LRRC1: variants seen among roughly 807,000 people sequenced by gnomAD.
The protein encoded by LRRC1 is leucine-rich repeat-containing protein 1.
Under a neutral mutation model 69.9 loss-of-function variants are expected in LRRC1, and 28 were observed. The ratio of observed to expected loss-of-function variants is 0.40; its 90% CI spans 0.30 to 0.55. The LOEUF is 0.55. Among genes scored for constraint, LRRC1 ranks in the 20% least tolerant of loss-of-function variants. The probability of loss-of-function intolerance (pLI) is 0.47; values close to 1 mark genes in which losing one functional copy is unlikely to be tolerated. For synonymous variants in LRRC1, 236 were observed against 240.2 expected (o/e 0.98, Z 0.16); for missense variants, 498 against 609.0 (o/e 0.82, Z 1.92).
Position 53,920,746 on chromosome 6 carries a change from A to G in LRRC1, c.1401A>G (p.Glu467=), listed in dbSNP as rs371207727. Residue 467 remains glutamate, a synonymous_variant, in exon 13 of 14, where the codon GAA becomes GAG. Coordinates refer to ENST00000370888, the MANE Select transcript of LRRC1 (RefSeq NM_018214.5). ...AIRFVEDEKD[E]EDNETRTLLR... Reference sequence around the variant, plus strand: ...GATTTGTGGAGGATGAGAAAGATGAAGAAGACAATGAGACGGTATGGAAAT... The same window carrying G: ...GATTTGTGGAGGATGAGAAAGATGAGGAAGACAATGAGACGGTATGGAAAT... 3.7e-6 allele frequency: 6 copies of G among 1,614,206 alleles called. No homozygotes were observed. In the African/African-American group the frequency reaches 8.0e-5, roughly 22 times the overall value.
intron 4 of LRRC1, among the ~76,000 whole-genome samples, chr6:53,894,359 T>C (rs2127434960): frequency 6.6e-6 from 1 of 152,354 alleles, no homozygotes; most frequent in Non-Finnish European, 1.5e-5. Context: ...CTCTGGTCTA[T>C]GTTTCAGGCA....
chr6:53,897,223 T>C, intron 6 of LRRC1, 62 bp from the exon 7 acceptor site: 2 of 1,126,462 alleles, frequency 1.8e-6, no homozygotes, highest in Non-Finnish European at 2.6e-6. Context: ...GTTTCTTTCT[T>C]TCTTCAGGGA....
intron 11 of LRRC1, chr6:53,919,229 C>CTCTTTTTTTTTTTTT (rs1467923075): frequency 1.4e-5 from 1 of 72,272 alleles, no homozygotes; most frequent in Non-Finnish European, 2.6e-5. Context: ...TTTTCTCTCT[C>CTCTTTTTTTTTTTTT]TTTTTTTTTT....
chr6:53,892,696 A>G (rs1334059255), intron 4 of LRRC1, among the ~76,000 whole-genome samples: 3 of 152,252 alleles, frequency 2.0e-5, no homozygotes, highest in African/African-American at 7.2e-5. Flanking sequence ...CTCTGTTCCA[A>G]TTCTGCATTT....
At chr6:53,854,696 A>C (rs1766253907) in intron 2 of LRRC1, among the ~76,000 whole-genome samples, 1 of 152,238 alleles carries the variant, frequency 6.6e-6, no homozygotes, top group Non-Finnish European at 1.5e-5. Context: ...CTAGTATAAA[A>C]ACATTTATAT....
chr6:53,856,490 C>T lies in LRRC1; in HGVS notation c.277+14263C>T, dbSNP rs182348945. 3.3e-5 allele frequency among the ~76,000 whole-genome samples: 5 copies of T among 152,242 alleles called. No individual in the cohort carries two copies. The East Asian group carries it at 9.6e-4, about 29-fold the overall frequency. ...AAAAGACTTCCTGGGAAACATGACA[C>T]TTAGGCTCTGAGCAGCAAGATGCAG... On this transcript the variant is annotated intron_variant, in intron 2 of 13. Transcript: ENST00000370888.
intron 8 of LRRC1, among the ~76,000 whole-genome samples, chr6:53,901,932 T>C (rs917321345): frequency 1.3e-5 from 2 of 152,164 alleles, no homozygotes; most frequent in Non-Finnish European, 2.9e-5. Context: ...TCTGATGTAG[T>C]GGGGAAAGTG....
At chr6:53,811,609 T>G (rs1033785512) in intron 1 of LRRC1, among the ~76,000 whole-genome samples, 1 of 152,252 alleles carries the variant, frequency 6.6e-6, no homozygotes, top group Non-Finnish European at 1.5e-5. Flanking sequence ...CAGCTCTTTA[T>G]TAGCTGCATA....
intron 11 of LRRC1, among the ~76,000 whole-genome samples, chr6:53,918,391 G>A (rs1768636642): frequency 6.6e-6 from 1 of 152,160 alleles, no homozygotes; most frequent in Admixed American, 6.5e-5. Context: ...TTTGCAAAAT[G>A]TATTGTTACT....
intron 10 of LRRC1, among the ~76,000 whole-genome samples, chr6:53,910,627 T>C (rs550191161): frequency 6.6e-6 from 1 of 152,296 alleles, no homozygotes; most frequent in South Asian, 2.1e-4. Flanking sequence ...AAAAAATAGC[T>C]ACCACATTTA....
chr6:53,798,992 C>T (rs1233249468), intron 1 of LRRC1, among the ~76,000 whole-genome samples: 6 of 152,194 alleles, frequency 3.9e-5, no homozygotes, highest in Non-Finnish European at 7.3e-5. Context: ...TGGTTTTCTC[C>T]TCAGTGTGCA....
chr6:53,830,131 C>G (rs1765385706), intron 1 of LRRC1, among the ~76,000 whole-genome samples: 1 of 152,222 alleles, frequency 6.6e-6, no homozygotes, highest in Non-Finnish European at 1.5e-5. Context: ...CTGCGGGCCA[C>G]TACCCAACAT....
At chr6:53,812,550 C>T (rs915448355) in intron 1 of LRRC1, among the ~76,000 whole-genome samples, 4 of 151,916 alleles carry the variant, frequency 2.6e-5, no homozygotes, top group East Asian at 1.9e-4. Context: ...ATCAGCCGGG[C>T]GTGGTGGCGG....
rs56934331 is a variant in LRRC1, at chr6:53,797,576, G to A, written c.159+2161G>A. On this transcript the variant is annotated intron_variant, in intron 1 of 13. Transcript: ENST00000370888. Reference sequence around the variant, plus strand: ...GTCTCCTTACCTGCCACACACAAGCGCATCTGTTTTGTTCACAAGCCTCAA... The same window carrying A: ...GTCTCCTTACCTGCCACACACAAGCACATCTGTTTTGTTCACAAGCCTCAA... Among the ~76,000 whole-genome samples the A allele has an allele frequency of 5.8e-3, 881 of 151,946 alleles. 6 individuals are homozygous for A. The highest frequency in any genetic ancestry group is 0.02 in the African/African-American group (835 of 41,270).
intron 1 of LRRC1, among the ~76,000 whole-genome samples, chr6:53,815,215 C>T (rs140993205): frequency 1.6e-3 from 238 of 152,228 alleles, no homozygotes; most frequent in African/African-American, 5.5e-3. Context: ...GTCCTGGGGC[C>T]ACACTATGAG....
At chr6:53,892,439 A>G (rs930020031) in intron 4 of LRRC1, among the ~76,000 whole-genome samples, 3 of 152,108 alleles carry the variant, frequency 2.0e-5, no homozygotes, top group Admixed American at 2.0e-4. Context: ...AGGCCTGTGG[A>G]GGTTGGGTCT....
At chr6:53,920,590 G>T in intron 12 of LRRC1, 35 bp from the exon 13 acceptor site, 1 of 1,613,512 alleles carries the variant, frequency 6.2e-7, no homozygotes, top group Non-Finnish European at 8.5e-7. Flanking sequence ...CACATGAAAC[G>T]CAATTCCCTG....
chr6:53,909,360 T>G (rs1233184259), intron 10 of LRRC1, among the ~76,000 whole-genome samples: 3 of 152,222 alleles, frequency 2.0e-5, no homozygotes, highest in Non-Finnish European at 4.4e-5. Context: ...GGGCAGTTTC[T>G]TAAATAATCT....
At chr6:53,883,582 A>G (rs1239812039) in intron 4 of LRRC1, among the ~76,000 whole-genome samples, 1 of 152,242 alleles carries the variant, frequency 6.6e-6, no homozygotes, top group Non-Finnish European at 1.5e-5. Flanking sequence ...TATGCTGGTG[A>G]ATAAATGTTC....
Sources: allele counts gnomAD v4.1 joint callset (sites outside exome capture counted in the v4.1 genomes callset), GRCh38; gene constraint gnomAD v4.1.1; transcripts MANE v1.5; gene names NCBI Gene and HGNC (gene_info 2026-07-23, HGNC 2026-07-21).